The following AKR1B10 variants were observed in gnomAD, a reference collection of about 807,000 sequenced individuals.
AKR1B10 encodes the protein ARP.
A neutral mutation model predicts 38.9 loss-of-function variants in AKR1B10; 39 were observed. The observed-to-expected ratio is 1.00, with a 90% CI of 0.78 to 1.31. AKR1B10 has a LOEUF of 1.31. AKR1B10 is among the 50% of genes most tolerant of loss of function. The pLI is 0.00. For missense variants in AKR1B10, 361 were observed against 382.6 expected (o/e 0.94, Z 0.47); for synonymous variants, 148 against 141.2 (o/e 1.05, Z -0.34).
intron 4 of AKR1B10, 26 bp downstream of exon 4, chr7:134,533,107 T>C: frequency 6.4e-7 from 1 of 1,550,754 alleles, no homozygotes; most frequent in Non-Finnish European, 8.7e-7. Context: ...CCTCTAAGTG[T>C]GCTGGGAGAG....
chr7:134,538,369 G>A, intron 8 of AKR1B10, 92 bp downstream of exon 8: 5 of 1,286,316 alleles, frequency 3.9e-6, no homozygotes, highest in Non-Finnish European at 5.6e-6. Flanking sequence ...TCGCTGCATT[G>A]TCTTTTGCCC....
At position 134,531,975 on chromosome 7, in the gene AKR1B10, A is replaced by C. The variant is rs755590380; in HGVS notation, c.302A>C (p.Lys101Thr). Residue 101 changes from lysine to threonine, a missense_variant, in exon 3 of 10, where the codon AAG (lysine) becomes ACG (threonine). Physicochemically the swap from Lys to Thr is moderately conservative, Grantham distance 78. Transcript: ENST00000359579. ...KAFEKTLKDL[K>T]LSYLDVYLIH... ...TTTGAGAAGACCCTCAAGGACCTGA[A>C]GCTGAGCTATCTGGACGTCTATCTT... 3.3e-5 allele frequency: 54 copies of C among 1,614,004 alleles called. No homozygotes were observed. Among genetic ancestry groups the C allele is most frequent in the Non-Finnish European group, 4.3e-5 (51 of 1,179,996 alleles).
At chr7:134,538,564 G>A (rs190708369) in intron 8 of AKR1B10, among the ~76,000 whole-genome samples, 20 of 152,210 alleles carry the variant, frequency 1.3e-4, no homozygotes, top group South Asian at 2.1e-4. Context: ...GCTAGGCCCT[G>A]GGCCACACAC....
At position 134,541,151 on chromosome 7, in the gene AKR1B10, T is replaced by A; in HGVS notation, c.*62T>A. Reference sequence around the variant, plus strand: ...CTTTCTTCGCTGAAGTGTGACTACCTCCACTCATGTCCCATTTTAGCCAAG... The same window carrying A: ...CTTTCTTCGCTGAAGTGTGACTACCACCACTCATGTCCCATTTTAGCCAAG... On this transcript the variant is annotated 3_prime_UTR_variant, in exon 10 of 10. Coordinates refer to ENST00000359579, the MANE Select transcript of AKR1B10 (RefSeq NM_020299.5). 8.1e-7 allele frequency: 1 copy of A among 1,232,332 alleles called. No homozygotes were observed. The highest frequency in any genetic ancestry group is 1.2e-6 in the Non-Finnish European group (1 of 855,860). The allele number at this position is 1,232,332 out of a possible 1,614,324, so 76.3% of individuals were successfully genotyped here.
chr7:134,529,614 G>A (rs1353566848), intron 1 of AKR1B10, among the ~76,000 whole-genome samples: 2 of 152,144 alleles, frequency 1.3e-5, no homozygotes, highest in African/African-American at 4.8e-5. Context: ...TGGTAGGGTA[G>A]CTGTGCATCT....
rs2117542808 is a variant in AKR1B10 at position 134,533,085 on chromosome 7, G to A, written c.429+4G>A. 1 of 1,589,652 alleles carries A rather than the reference G, an allele frequency of 6.3e-7. No individual in the cohort carries two copies. ...AACGTTCTTGGATGCCTGGGAGGTA[G>A]GTTCCCAGCTTCCTCTAAGTGTGCT... On this transcript the variant is annotated splice_donor_region_variant and intron_variant, in intron 4 of 9. Coordinates refer to ENST00000359579, the MANE Select transcript of AKR1B10 (RefSeq NM_020299.5).
At chr7:134,529,704 A>C (rs894026015) in intron 1 of AKR1B10, among the ~76,000 whole-genome samples, 1 of 152,168 alleles carries the variant, frequency 6.6e-6, no homozygotes, top group Non-Finnish European at 1.5e-5. Context: ...ATCAAGTTTT[A>C]AGTGCTTTTT....
chr7:134,538,423 G>C (rs1808070350), intron 8 of AKR1B10, 146 bp downstream of exon 8: 4 of 828,054 alleles, frequency 4.8e-6, no homozygotes, highest in Non-Finnish European at 7.8e-6. Flanking sequence ...CAGGGAGCTA[G>C]GGTCAGTAGA....
At chr7:134,540,079 G>A (rs193265536) in intron 9 of AKR1B10, among the ~76,000 whole-genome samples, 185 of 152,216 alleles carry the variant, frequency 1.2e-3, no homozygotes, top group African/African-American at 4.0e-3. Context: ...TTAGCTGGGC[G>A]TGGTGGTGGG....
intron 1 of AKR1B10, 94 bp downstream of exon 1, chr7:134,528,071 G>A (rs1405755794): frequency 3.3e-6 from 5 of 1,503,262 alleles, no homozygotes; most frequent in Middle Eastern, 1.7e-4. Flanking sequence ...TGGAGGTCGG[G>A]CAGGGGTTGG....
chr7:134,540,087 G>A (rs1246987384), intron 9 of AKR1B10, among the ~76,000 whole-genome samples: 1 of 152,056 alleles, frequency 6.6e-6, no homozygotes, highest in Non-Finnish European at 1.5e-5. Flanking sequence ...GCGTGGTGGT[G>A]GGCACCTGTA....
intron 4 of AKR1B10, among the ~76,000 whole-genome samples, 188 bp from the exon 5 acceptor site, chr7:134,536,462 A>G (rs1808007144): frequency 6.6e-6 from 1 of 152,040 alleles, no homozygotes; most frequent in Non-Finnish European, 1.5e-5. Flanking sequence ...TGCGCTGGGG[A>G]GGGGCAGTAG....
intron 4 of AKR1B10, among the ~76,000 whole-genome samples, chr7:134,534,417 T>C (rs1807942002): frequency 6.6e-6 from 1 of 152,220 alleles, no homozygotes. Context: ...CCACCACACC[T>C]GGCTATTTGC....
At chr7:134,535,706 G>A (rs1807984265) in intron 4 of AKR1B10, 2 of 978,596 alleles carry the variant, frequency 2.0e-6, no homozygotes, top group East Asian at 1.2e-4. Context: ...CTCTGTCTAT[G>A]CCGCTGTGAT....
At chr7:134,532,313 CT>C (rs1807883378) in intron 3 of AKR1B10, among the ~76,000 whole-genome samples, 1 of 152,132 alleles carries the variant, frequency 6.6e-6, no homozygotes, top group Non-Finnish European at 1.5e-5. Flanking sequence ...GCCATATCAC[CT>C]TTGTCTTGAT....
At chr7:134,531,434 T>C (rs1260542343) in intron 2 of AKR1B10, among the ~76,000 whole-genome samples, 2 of 152,188 alleles carry the variant, frequency 1.3e-5, no homozygotes, top group Non-Finnish European at 2.9e-5. Context: ...GACCTCACTG[T>C]GTAGCAGCCA....
chr7:134,538,613 C>A (rs903202483), intron 8 of AKR1B10, among the ~76,000 whole-genome samples: 2 of 152,148 alleles, frequency 1.3e-5, no homozygotes, highest in Non-Finnish European at 2.9e-5. Flanking sequence ...CACTTCCCGG[C>A]AGCAGAGGAG....
chr7:134,537,184 C>G lies in AKR1B10; in HGVS notation c.659+27C>G, dbSNP rs775091079. On this transcript the variant is annotated intron_variant, in intron 6 of 9. Transcript: ENST00000359579. ...TGAGGCTTCCAAGTGGTGGGTCTTT[C>G]TCTTGATAATCTTAAAAACATTATT... 54 of 1,566,000 alleles carry G rather than the reference C, an allele frequency of 3.4e-5. No individual in the cohort carries two copies. The African/African-American group carries it at 7.0e-4, about 20-fold the overall frequency.
At chr7:134,528,439 A>C (rs998801925) in intron 1 of AKR1B10, among the ~76,000 whole-genome samples, 1 of 152,098 alleles carries the variant, frequency 6.6e-6, no homozygotes, top group Non-Finnish European at 1.5e-5. Flanking sequence ...AGAAATGCAA[A>C]CTGGCCAGGT....
Sources: gnomAD v4.1 joint callset for allele counts (sites outside exome capture counted in the v4.1 genomes callset) on GRCh38, gnomAD v4.1.1 for gene constraint, MANE v1.5 for transcripts, NCBI Gene and HGNC (gene_info 2026-07-23, HGNC 2026-07-21) for gene names.